Variants in LOC128125818 observed in about 807,000 individuals in gnomAD.
the LOC128125818 span, among the ~76,000 whole-genome samples, chr4:6,068,163 C>G: frequency 9.2e-5 from 14 of 152,218 alleles, no homozygotes; most frequent in African/African-American, 3.1e-4. Context: ...AGGGCATTAA[C>G]TACCAATGCT....
At chr4:6,065,058 G>C in the LOC128125818 span, 5 of 1,610,916 alleles carry the variant, frequency 3.1e-6, no homozygotes, top group Admixed American at 8.3e-5. The surrounding 1 kb of genome is among the most constrained non-coding windows in gnomAD (Gnocchi z 5.1). Context: ...GATTGCCAGA[G>C]TCTACCAGTC....
chr4:6,065,825 A>G, the LOC128125818 span, among the ~76,000 whole-genome samples: 1 of 152,114 alleles, frequency 6.6e-6, no homozygotes, highest in East Asian at 1.9e-4. The surrounding 1 kb of genome is among the most constrained non-coding windows in gnomAD (Gnocchi z 5.1). Flanking sequence ...CTCAGAAAAC[A>G]CTGGCAAAGC....
the LOC128125818 span, among the ~76,000 whole-genome samples, chr4:6,066,103 G>A: frequency 6.6e-6 from 1 of 151,982 alleles, no homozygotes; most frequent in African/African-American, 2.4e-5. Context: ...CCAGAGCCCA[G>A]CCCAAGGCTC....
the LOC128125818 span, among the ~76,000 whole-genome samples, chr4:6,067,442 T>A: frequency 6.6e-6 from 1 of 152,104 alleles, no homozygotes; most frequent in Non-Finnish European, 1.5e-5. This position sits in a 1 kb window ranked among gnomAD's most constrained non-coding sequence, Gnocchi z 4.6. Context: ...CTGGAGACAA[T>A]CATCTACTCA....
the LOC128125818 span, among the ~76,000 whole-genome samples, chr4:6,067,443 C>G: frequency 3.3e-5 from 5 of 152,306 alleles, no homozygotes; most frequent in African/African-American, 1.2e-4. The surrounding 1 kb of genome is among the most constrained non-coding windows in gnomAD (Gnocchi z 4.6). Context: ...TGGAGACAAT[C>G]ATCTACTCAA....
At chr4:6,067,600 CACA>C in the LOC128125818 span, among the ~76,000 whole-genome samples, 1 of 151,422 alleles carries the variant, frequency 6.6e-6, no homozygotes, top group Non-Finnish European at 1.5e-5. The surrounding 1 kb of genome is among the most constrained non-coding windows in gnomAD (Gnocchi z 4.6). Flanking sequence ...CTTCTGCACA[CACA>C]GGTCACCCCC....
chr4:6,068,655 T>C, the LOC128125818 span, among the ~76,000 whole-genome samples: 1 of 151,774 alleles, frequency 6.6e-6, no homozygotes, highest in Non-Finnish European at 1.5e-5. Flanking sequence ...TCTCCCAAGT[T>C]CAAGCGATTC....
the LOC128125818 span, among the ~76,000 whole-genome samples, chr4:6,066,113 C>CT: frequency 2.0e-5 from 3 of 152,128 alleles, no homozygotes; most frequent in Non-Finnish European, 4.4e-5. Flanking sequence ...GCCCAAGGCT[C>CT]TGCTGGCTCA....
At chr4:6,065,863 G>T in the LOC128125818 span, among the ~76,000 whole-genome samples, 3 of 152,170 alleles carry the variant, frequency 2.0e-5, no homozygotes, top group Non-Finnish European at 4.4e-5. The surrounding 1 kb of genome is among the most constrained non-coding windows in gnomAD (Gnocchi z 5.1). Context: ...CACGGGGCAG[G>T]CCTGGGGAAT....
the LOC128125818 span, chr4:6,065,011 G>A: frequency 3.7e-6 from 6 of 1,614,160 alleles, no homozygotes; most frequent in Non-Finnish European, 5.1e-6. This position sits in a 1 kb window ranked among gnomAD's most constrained non-coding sequence, Gnocchi z 5.1. Flanking sequence ...ACATGCTTCT[G>A]TAAAACGCAA....
At chr4:6,069,224 T>TA in the LOC128125818 span, among the ~76,000 whole-genome samples, 2 of 152,038 alleles carry the variant, frequency 1.3e-5, no homozygotes, top group East Asian at 3.9e-4. The surrounding 1 kb of genome is among the most constrained non-coding windows in gnomAD (Gnocchi z 4.5). Flanking sequence ...CAGTGGGCTT[T>TA]AAAAAAAATG....
the LOC128125818 span, among the ~76,000 whole-genome samples, chr4:6,065,338 G>A: frequency 6.6e-6 from 1 of 152,216 alleles, no homozygotes; most frequent in Admixed American, 6.5e-5. The surrounding 1 kb of genome is among the most constrained non-coding windows in gnomAD (Gnocchi z 5.1). Context: ...CACCTCACCT[G>A]TGAGCACAAA....
At chr4:6,065,593 A>C in the LOC128125818 span, among the ~76,000 whole-genome samples, 1 of 152,226 alleles carries the variant, frequency 6.6e-6, no homozygotes, top group Non-Finnish European at 1.5e-5. This position sits in a 1 kb window ranked among gnomAD's most constrained non-coding sequence, Gnocchi z 5.1. Context: ...GGCCAGACCC[A>C]CACTTAGAGG....
the LOC128125818 span, among the ~76,000 whole-genome samples, chr4:6,068,993 C>A: frequency 6.6e-6 from 1 of 152,086 alleles, no homozygotes; most frequent in African/African-American, 2.4e-5. Flanking sequence ...AGTAAGCCTA[C>A]ATGTACTCGA....
chr4:6,069,473 G>A, the LOC128125818 span, among the ~76,000 whole-genome samples: 11 of 152,200 alleles, frequency 7.2e-5, no homozygotes, highest in Admixed American at 7.2e-4. This position sits in a 1 kb window ranked among gnomAD's most constrained non-coding sequence, Gnocchi z 4.5. Flanking sequence ...TTTTGGCCGG[G>A]CACAGTGGCT....
chr4:6,068,273 A>G, the LOC128125818 span, among the ~76,000 whole-genome samples: 1 of 152,206 alleles, frequency 6.6e-6, no homozygotes, highest in South Asian at 2.1e-4. Flanking sequence ...AAGTAGAGCA[A>G]CCTTAGCAAA....
the LOC128125818 span, chr4:6,065,126 C>T: frequency 2.4e-6 from 3 of 1,273,306 alleles, no homozygotes; most frequent in Non-Finnish European, 3.4e-6. The surrounding 1 kb of genome is among the most constrained non-coding windows in gnomAD (Gnocchi z 5.1). Context: ...GCCACTGGGG[C>T]ATCACAAGAT....
At chr4:6,066,792 T>C in the LOC128125818 span, among the ~76,000 whole-genome samples, 5 of 152,130 alleles carry the variant, frequency 3.3e-5, no homozygotes, top group Admixed American at 2.0e-4. Flanking sequence ...TCTGGAATTA[T>C]TAAAACCACC....
the LOC128125818 span, among the ~76,000 whole-genome samples, chr4:6,068,243 G>A: frequency 1.4e-4 from 22 of 152,152 alleles, no homozygotes; most frequent in African/African-American, 2.2e-4. Flanking sequence ...ATTAACTACC[G>A]ATGTTGCCGC....
Sources: allele counts gnomAD v4.1 joint callset (sites outside exome capture counted in the v4.1 genomes callset), GRCh38; gene constraint gnomAD v4.1.1; non-coding constraint Gnocchi (gnomAD v3.1); transcripts MANE v1.5.